PALS1: variants seen among roughly 807,000 people sequenced by gnomAD.
The protein encoded by PALS1 is protein associated with LIN7 1, MAGUK p55 family member.
In PALS1, 31 loss-of-function variants were observed where a neutral mutation model predicts 78.9. The ratio of observed to expected loss-of-function variants is 0.39; its 90% CI spans 0.30 to 0.53. The LOEUF (loss-of-function observed/expected upper bound fraction) is 0.53. Among genes scored for constraint, PALS1 ranks in the 20% least tolerant of loss-of-function variants. PALS1 has a pLI of 0.67. For synonymous variants in PALS1, 276 were observed against 270.9 expected, an observed-to-expected ratio of 1.02 and a Z score of -0.18; for missense variants, 704 against 826.5, an observed-to-expected ratio of 0.85 and a Z score of 1.82.
Position 67,318,456 on chromosome 14 carries a change from A to G in PALS1, c.1369+977A>G, listed in dbSNP as rs561722232. Among the ~76,000 whole-genome samples, 3 of 152,304 alleles carry G rather than the reference A, an allele frequency of 2.0e-5. No individual in the cohort carries two copies. The East Asian group carries it at 5.8e-4, about 29-fold the overall frequency. On this transcript the variant is annotated intron_variant, in intron 11 of 14. Coordinates refer to ENST00000261681, the MANE Select transcript of PALS1 (RefSeq NM_022474.4). ...TATTTTTTGAAACAGACTGAAGTTA[A>G]CTAGTCCAGCTCTAAGAGCTACTGT...
In PALS1 at chr14:67,302,557, GT is replaced by G; in HGVS notation, c.954del (p.Phe318LeufsTer11). The G allele has an allele frequency of 6.6e-7, 1 of 1,517,900 alleles. No individual in the cohort carries two copies. Among genetic ancestry groups the G allele is most frequent in the Non-Finnish European group, 8.8e-7 (1 of 1,132,100 alleles). 94.0% of individuals were successfully genotyped at this position (1,517,900 alleles called of 1,614,324 possible). A position where few individuals can be genotyped will look rare whatever the true frequency, so the allele number is the denominator to read the frequency against. On this transcript the variant is annotated frameshift_variant, in exon 7 of 15. Transcript: ENST00000261681. LOFTEE classifies it high-confidence loss of function. ...AATTCGGGGGAAAGATGTCAATGAG[GT>G]TTTTGACTTGTTGGTAAGTTGACGC... is the stretch of plus-strand genomic sequence containing the variant. ...IEIRGKDVNE[V>X]FDLLSDMHGT... is the part of the protein sequence containing the mutation.
intron 1 of PALS1, among the ~76,000 whole-genome samples, chr14:67,247,220 T>G (rs138911250): frequency 6.6e-6 from 1 of 152,250 alleles, no homozygotes. Context: ...TAGTTTTCAA[T>G]ATGCAGATCT....
intron 8 of PALS1, among the ~76,000 whole-genome samples, chr14:67,306,195 C>T (rs1236806756): frequency 6.6e-6 from 1 of 152,194 alleles, no homozygotes; most frequent in Non-Finnish European, 1.5e-5. Context: ...GTCTCGAACT[C>T]CTGACCTCAG....
intron 8 of PALS1, among the ~76,000 whole-genome samples, chr14:67,306,611 C>T (rs916616926): frequency 2.0e-5 from 3 of 150,160 alleles, no homozygotes; most frequent in Admixed American, 6.6e-5. Flanking sequence ...TCTGATGATC[C>T]GCCCACCTTG....
rs1188195883 is a variant in PALS1, at chr14:67,320,534, T to A, written c.1537+137T>A. ...TGAAAGAGGAACTTTAACCAAAGAT[T>A]TTGACAATTTTTAAATTAAAAATAG... is the stretch of plus-strand genomic sequence containing the variant. On this transcript the variant is annotated intron_variant, in intron 12 of 14. Coordinates refer to ENST00000261681, the MANE Select transcript of PALS1 (RefSeq NM_022474.4). 1.4e-5 allele frequency: 11 copies of A among 772,266 alleles called. No homozygotes were observed. In the East Asian group the frequency reaches 3.3e-4, roughly 24 times the overall value. 47.8% of individuals were successfully genotyped at this position (772,266 alleles called of 1,614,324 possible).
At chr14:67,283,611 C>G (rs1409326837) in intron 3 of PALS1, among the ~76,000 whole-genome samples, 1 of 151,694 alleles carries the variant, frequency 6.6e-6, no homozygotes, top group Admixed American at 6.6e-5. Flanking sequence ...TTTTTTTTAT[C>G]TTCCTGGAAT....
intron 14 of PALS1, among the ~76,000 whole-genome samples, chr14:67,327,572 G>A (rs1025511456): frequency 6.6e-6 from 1 of 151,960 alleles, no homozygotes; most frequent in Non-Finnish European, 1.5e-5. Context: ...CATGTGCCAT[G>A]TTGGTGTGCT....
chr14:67,257,786 C>T (rs985733753), intron 1 of PALS1, among the ~76,000 whole-genome samples: 41 of 152,132 alleles, frequency 2.7e-4, no homozygotes, highest in African/African-American at 9.9e-4. Context: ...GGAGGTGAGA[C>T]ACTGAATTGT....
chr14:67,328,437 A>C (rs556737189), intron 14 of PALS1, among the ~76,000 whole-genome samples: 1 of 152,110 alleles, frequency 6.6e-6, no homozygotes, highest in Non-Finnish European at 1.5e-5. Context: ...TAGGTTGCCT[A>C]TTCACTCTGA....
intron 14 of PALS1, among the ~76,000 whole-genome samples, chr14:67,331,130 T>G (rs1231560454): frequency 6.6e-6 from 1 of 152,142 alleles, no homozygotes; most frequent in Non-Finnish European, 1.5e-5. Context: ...CTGCAACCTC[T>G]GCTTCCTGGG....
intron 1 of PALS1, among the ~76,000 whole-genome samples, chr14:67,268,343 G>C (rs566245263): frequency 2.0e-4 from 30 of 152,310 alleles, no homozygotes; most frequent in African/African-American, 6.7e-4. Flanking sequence ...TTACCCGAAG[G>C]GGGTCCCGAT....
At chr14:67,256,210 A>G (rs1479567389) in intron 1 of PALS1, among the ~76,000 whole-genome samples, 3 of 152,194 alleles carry the variant, frequency 2.0e-5, no homozygotes, top group Non-Finnish European at 2.9e-5. Context: ...AATATTGTAT[A>G]TATTCTTCTG....
At chr14:67,263,885 A>G (rs559587582) in intron 1 of PALS1, among the ~76,000 whole-genome samples, 71 of 152,306 alleles carry the variant, frequency 4.7e-4, no homozygotes, top group African/African-American at 1.5e-3. Context: ...AAATAGGGGT[A>G]GTAATTCTTT....
intron 8 of PALS1, among the ~76,000 whole-genome samples, chr14:67,306,688 A>G (rs927924765): frequency 3.3e-5 from 5 of 152,100 alleles, no homozygotes; most frequent in Admixed American, 1.3e-4. Context: ...TCTTTTTATT[A>G]TGAATAACTC....
In PALS1 at chr14:67,279,367, T is replaced by C. The variant is rs757271298; in HGVS notation, c.197T>C (p.Met66Thr). ...CGTATTCGGCAACAACAGGAGGACATGAGGCGTAGGAGAGAGGAAGAAGGG... is the reference window on the plus strand; with the variant it reads ...CGTATTCGGCAACAACAGGAGGACACGAGGCGTAGGAGAGAGGAAGAAGGG... ...LERIRQQQED[M>T]RRRREEEGKK... Residue 66 changes from methionine to threonine, a missense_variant, in exon 3 of 15, where the codon ATG becomes ACG. Coordinates refer to ENST00000261681, the MANE Select transcript of PALS1 (RefSeq NM_022474.4). The C allele has an allele frequency of 2.5e-6, 4 of 1,613,366 alleles. No individual in the cohort carries two copies. Among genetic ancestry groups the C allele is most frequent in the South Asian group, 1.1e-5 (1 of 91,044 alleles).
chr14:67,308,550 T>TTC (rs2140928382), intron 8 of PALS1, among the ~76,000 whole-genome samples: 1 of 146,730 alleles, frequency 6.8e-6, no homozygotes, highest in African/African-American at 2.5e-5. Context: ...CTTTTTCTTT[T>TTC]TTTTTTTTTT....
intron 2 of PALS1, among the ~76,000 whole-genome samples, chr14:67,274,753 A>T (rs2084470976): frequency 6.6e-6 from 1 of 152,192 alleles, no homozygotes; most frequent in Non-Finnish European, 1.5e-5. Flanking sequence ...CCCATCCATG[A>T]GCATGGAATG....
chr14:67,322,817 T>G (rs2085280591), intron 13 of PALS1, among the ~76,000 whole-genome samples: 1 of 152,228 alleles, frequency 6.6e-6, no homozygotes, highest in Admixed American at 6.5e-5. Context: ...CAATGGCATA[T>G]TCCTATAATC....
At chr14:67,292,814 T>C in intron 4 of PALS1, 95 bp downstream of exon 4, 2 of 925,280 alleles carry the variant, frequency 2.2e-6, no homozygotes, top group Non-Finnish European at 3.3e-6. Flanking sequence ...CTATAAGATT[T>C]GTTTGAATTA....
Sources: gnomAD v4.1 joint callset for allele counts (sites outside exome capture counted in the v4.1 genomes callset) on GRCh38, gnomAD v4.1.1 for gene constraint, MANE v1.5 for transcripts, NCBI Gene and HGNC (gene_info 2026-07-23, HGNC 2026-07-21) for gene names.